SOX10: variants seen among roughly 807,000 people sequenced by gnomAD.
SOX10 encodes transcription factor SOX-10.
In SOX10, 3 loss-of-function variants were observed where a neutral mutation model predicts 35.0. The observed-to-expected ratio is 0.09, with a 90% CI of 0.04 to 0.22. The LOEUF (loss-of-function observed/expected upper bound fraction) is 0.22. SOX10 is among the 10% of genes least tolerant of loss of function. SOX10 has a pLI of 1.00. For synonymous variants in SOX10, 285 were observed against 291.0 expected, an observed-to-expected ratio of 0.98 and a Z score of 0.21; for missense variants, 436 against 655.1, an observed-to-expected ratio of 0.67 and a Z score of 3.65.
chr22:37,979,793 G>A (rs369380764), intron 2 of SOX10, among the ~76,000 whole-genome samples: 6 of 152,156 alleles, frequency 3.9e-5, no homozygotes, highest in East Asian at 3.9e-4. Flanking sequence ...AGAGGGGGTC[G>A]AGGGGAAAGT....
rs751536228 is a variant in SOX10, at chr22:37,973,841, G to C, written c.1055C>G (p.Ala352Gly). ...GGTCTCTGTCTTCACCTGGGCTTTGGCATCCACACCAGGTGGTGAGACCGT... is the reference window on the plus strand; with the variant it reads ...GGTCTCTGTCTTCACCTGGGCTTTGCCATCCACACCAGGTGGTGAGACCGT... ...LPTVSPPGVD[A>G]KAQVKTETAG... Residue 352 changes from alanine (A) to glycine (G), a missense_variant, in exon 4 of 4, where the codon GCC (alanine) becomes GGC (glycine). Around this residue, in one of 3 missense-constraint regions of SOX10, gnomAD observed 285 missense variants for 402.9 expected, o/e 0.71. Coordinates refer to ENST00000396884, the MANE Select transcript of SOX10 (RefSeq NM_006941.4). The C allele has an allele frequency of 6.2e-7, 1 of 1,605,566 alleles. No individual in the cohort carries two copies. Among genetic ancestry groups the C allele is most frequent in the Admixed American group, 1.7e-5 (1 of 59,858 alleles).
In SOX10 at chr22:37,978,252, G is replaced by A; in HGVS notation, c.429-117C>T. On this transcript the variant is annotated intron_variant, in intron 2 of 3. Transcript: ENST00000396884. The surrounding 1 kb of genome is among the most constrained non-coding windows in gnomAD (Gnocchi z 5.0). ...GGAAGATGTGAGGCCCTGGGATGGGGCACCCAGAGGACAGGACCCGGGGTG... is the reference window on the plus strand; with the variant it reads ...GGAAGATGTGAGGCCCTGGGATGGGACACCCAGAGGACAGGACCCGGGGTG... 1.7e-6 allele frequency: 2 copies of A among 1,144,776 alleles called. No homozygotes were observed. Among genetic ancestry groups the A allele is most frequent in the Non-Finnish European group, 2.4e-6 (2 of 835,970 alleles). The allele number at this position is 1,144,776 out of a possible 1,614,324, so 70.9% of individuals were successfully genotyped here.
In SOX10 at chr22:37,983,646, C is replaced by T; in HGVS notation, c.139G>A (p.Gly47Arg). ...TTGACCTTGCCCAGCTCGCCTGGCC[C>T]CGGGCTGGCTCGCAGGCCCGATCCG... ...GGGSGLRASP[G>R]PGELGKVKKE... Residue 47 changes from glycine (G) to arginine (R), a missense_variant, in exon 2 of 4, where the codon GGG becomes AGG. By Grantham distance (125) the Gly-to-Arg change is moderately radical. Coordinates refer to ENST00000396884, the MANE Select transcript of SOX10 (RefSeq NM_006941.4). This position sits in a 1 kb window ranked among gnomAD's most constrained non-coding sequence, Gnocchi z 9.5. The T allele has an allele frequency of 6.3e-7, 1 of 1,598,402 alleles. No homozygotes were observed. Among genetic ancestry groups the T allele is most frequent in the South Asian group, 1.1e-5 (1 of 90,106 alleles).
chr22:37,973,324 G>T lies in SOX10; in HGVS notation c.*171C>A. ...GGCTTTGCTGCTGGAGCCTGGATGG[G>T]GCGGGTGGGTCATCAGGGCAGTGAG... On this transcript the variant is annotated 3_prime_UTR_variant, in exon 4 of 4. Coordinates refer to ENST00000396884, the MANE Select transcript of SOX10 (RefSeq NM_006941.4). 1.2e-5 allele frequency: 7 copies of T among 585,986 alleles called. No individual in the cohort carries two copies. The highest frequency in any genetic ancestry group is 2.1e-5 in the Non-Finnish European group (7 of 329,962). 36.3% of individuals were successfully genotyped at this position (585,986 alleles called of 1,614,324 possible).
chr22:37,983,288 G>C lies in SOX10; in HGVS notation c.428+69C>G. The C allele has an allele frequency of 6.6e-7, 1 of 1,524,458 alleles. No homozygotes were observed. The highest frequency in any genetic ancestry group is 8.9e-7 in the Non-Finnish European group (1 of 1,128,548). 94.4% of individuals were successfully genotyped at this position (1,524,458 alleles called of 1,614,324 possible). A position where few individuals can be genotyped will look rare whatever the true frequency, so the allele number is the denominator to read the frequency against. On this transcript the variant is annotated intron_variant, in intron 2 of 3. Coordinates refer to ENST00000396884, the MANE Select transcript of SOX10 (RefSeq NM_006941.4). The surrounding 1 kb of genome is among the most constrained non-coding windows in gnomAD (Gnocchi z 9.5). The stretch of plus-strand genomic sequence containing the variant: ...CCCGCTCTGAGGTGCAGGAGGCCGG[G>C]CCGCCTCGGCTACCCTGAATCCACC...
At chr22:37,979,055 G>C (rs951979217) in intron 2 of SOX10, among the ~76,000 whole-genome samples, 1 of 151,814 alleles carries the variant, frequency 6.6e-6, no homozygotes, top group African/African-American at 2.4e-5. Flanking sequence ...GGGATTACAG[G>C]CATGAGCCAT....
chr22:37,983,751 G>C lies in SOX10; in HGVS notation c.34C>G (p.Leu12Val). ...AEEQDLSEVE[L>V]SPVGSEEPRC... ...GGCTCCTCCGAGCCCACGGGGCTCAGCTCCACCTCCGATAGGTCCTGCTCC... is the reference window on the plus strand; with the variant it reads ...GGCTCCTCCGAGCCCACGGGGCTCACCTCCACCTCCGATAGGTCCTGCTCC... Residue 12 changes from leucine (L) to valine (V), a missense_variant, in exon 2 of 4, where the codon CTG becomes GTG. By Grantham distance (32) the Leu-to-Val change is conservative. Transcript: ENST00000396884. This position sits in a 1 kb window ranked among gnomAD's most constrained non-coding sequence, Gnocchi z 9.5. The C allele has an allele frequency of 6.7e-6, 10 of 1,487,048 alleles. No homozygotes were observed. Among genetic ancestry groups the C allele is most frequent in the Non-Finnish European group, 8.9e-6 (10 of 1,123,612 alleles). The allele number at this position is 1,487,048 out of a possible 1,614,324, so 92.1% of individuals were successfully genotyped here.
In SOX10 at chr22:37,980,348, C is replaced by T. The variant is rs537873263; in HGVS notation, c.429-2213G>A. ...ACATGGGACACAGAGCTCACTCTTTCACCTATCCTTCCCTTGCCCCCTGCC... is the reference window on the plus strand; with the variant it reads ...ACATGGGACACAGAGCTCACTCTTTTACCTATCCTTCCCTTGCCCCCTGCC... On this transcript the variant is annotated intron_variant, in intron 2 of 3. Coordinates refer to ENST00000396884, the MANE Select transcript of SOX10 (RefSeq NM_006941.4). The surrounding 1 kb of genome is among the most constrained non-coding windows in gnomAD (Gnocchi z 4.1). 4.6e-5 allele frequency among the ~76,000 whole-genome samples: 7 copies of T among 152,266 alleles called. No individual in the cohort carries two copies. Among genetic ancestry groups the T allele is most frequent in the Admixed American group, 1.3e-4 (2 of 15,302 alleles).
At position 37,973,454 on chromosome 22, in the gene SOX10, G is replaced by A. The variant is rs1345365040; in HGVS notation, c.*41C>T. The stretch of plus-strand genomic sequence containing the variant: ...GCAAGGAACAGGGCACACAGGCTGG[G>A]GGCAGGGGCTGGGCGGGGGGTGGTG... On this transcript the variant is annotated 3_prime_UTR_variant, in exon 4 of 4. Coordinates refer to ENST00000396884, the MANE Select transcript of SOX10 (RefSeq NM_006941.4). 3.0e-6 allele frequency: 4 copies of A among 1,333,112 alleles called. No individual in the cohort carries two copies. The highest frequency in any genetic ancestry group is 4.1e-6 in the Non-Finnish European group (4 of 965,144). 82.6% of individuals were successfully genotyped at this position (1,333,112 alleles called of 1,614,324 possible). A position where few individuals can be genotyped will look rare whatever the true frequency, so the allele number is the denominator to read the frequency against.
chr22:37,983,858 C>A lies in SOX10; in HGVS notation c.-74G>T. ...AGCCGCCGGGGTCCTCGCAAAGAGT[C>A]CAACGCCCACCTGGATGGAAGGAGG... On this transcript the variant is annotated 5_prime_UTR_variant, in exon 2 of 4. Transcript: ENST00000396884. The surrounding 1 kb of genome is among the most constrained non-coding windows in gnomAD (Gnocchi z 9.5). 1 of 1,255,204 alleles carries A rather than the reference C, an allele frequency of 8.0e-7. No individual in the cohort carries two copies. Among genetic ancestry groups the A allele is most frequent in the Non-Finnish European group, 1.0e-6 (1 of 980,426 alleles). The allele number at this position is 1,255,204 out of a possible 1,614,324, so 77.8% of individuals were successfully genotyped here. A position where few individuals can be genotyped will look rare whatever the true frequency, so the allele number is the denominator to read the frequency against.
intron 2 of SOX10, among the ~76,000 whole-genome samples, chr22:37,982,331 A>T (rs1932425200): frequency 6.6e-6 from 1 of 152,110 alleles, no homozygotes; most frequent in Admixed American, 6.5e-5. Context: ...GAATCAGGTG[A>T]CTGCTACCGG....
chr22:37,976,509 T>C (rs1932225556), intron 3 of SOX10, among the ~76,000 whole-genome samples: 1 of 152,202 alleles, frequency 6.6e-6, no homozygotes, highest in Non-Finnish European at 1.5e-5. Flanking sequence ...TCAGAGCGTG[T>C]CCTCTGAAGG....
rs185098890 is a variant in SOX10, at chr22:37,974,440, C to A, written c.698-242G>T. Among the ~76,000 whole-genome samples the A allele has an allele frequency of 1.1e-3, 162 of 151,268 alleles. No homozygotes were observed. The highest frequency in any genetic ancestry group is 3.9e-3 in the African/African-American group (159 of 40,992). On this transcript the variant is annotated intron_variant, in intron 3 of 3. Transcript: ENST00000396884. This position sits in a 1 kb window ranked among gnomAD's most constrained non-coding sequence, Gnocchi z 5.4. ...CCATCTCGGCTCACTGCAACCTCTGCCTCCTGGGTTCAAATGATTCTCCTG... is the reference window on the plus strand; with the variant it reads ...CCATCTCGGCTCACTGCAACCTCTGACTCCTGGGTTCAAATGATTCTCCTG...
At position 37,978,253 on chromosome 22, in the gene SOX10, C is replaced by T; in HGVS notation, c.429-118G>A. ...GAAGATGTGAGGCCCTGGGATGGGG[C>T]ACCCAGAGGACAGGACCCGGGGTGG... On this transcript the variant is annotated intron_variant, in intron 2 of 3. Transcript: ENST00000396884. This position sits in a 1 kb window ranked among gnomAD's most constrained non-coding sequence, Gnocchi z 5.0. 1 of 1,146,214 alleles carries T rather than the reference C, an allele frequency of 8.7e-7. No homozygotes were observed. The highest frequency in any genetic ancestry group is 1.2e-6 in the Non-Finnish European group (1 of 837,250). 71.0% of individuals were successfully genotyped at this position (1,146,214 alleles called of 1,614,324 possible).
At chr22:37,982,318 C>T (rs894227012) in intron 2 of SOX10, among the ~76,000 whole-genome samples, 1 of 152,102 alleles carries the variant, frequency 6.6e-6, no homozygotes, top group Non-Finnish European at 1.5e-5. Context: ...GTCAGTCTAG[C>T]GAGAATCAGG....
In SOX10 at chr22:37,983,680, G is replaced by C. The variant is rs1284869913; in HGVS notation, c.105C>G (p.Gly35=). The C allele has an allele frequency of 1.3e-6, 2 of 1,561,182 alleles. No homozygotes were observed. Among genetic ancestry groups the C allele is most frequent in the Non-Finnish European group, 1.7e-6 (2 of 1,160,252 alleles). The change falls in exon 2 of 4, where the codon GGC becomes GGG. Residue 35 remains glycine (G), a synonymous_variant. Coordinates refer to ENST00000396884, the MANE Select transcript of SOX10 (RefSeq NM_006941.4). The surrounding 1 kb of genome is among the most constrained non-coding windows in gnomAD (Gnocchi z 9.5). ...PGSAPSLGPD[G]GGGGSGLRAS... ...CTCGCAGGCCCGATCCGCCGCCGCC[G>C]CCGTCGGGCCCTAGCGAGGGCGCGC... is the stretch of plus-strand genomic sequence containing the variant.
In SOX10 at chr22:37,983,122, GCGC is replaced by G. The variant is rs1312461485; in HGVS notation, c.428+232_428+234del. On this transcript the variant is annotated intron_variant, in intron 2 of 3. Coordinates refer to ENST00000396884, the MANE Select transcript of SOX10 (RefSeq NM_006941.4). This position sits in a 1 kb window ranked among gnomAD's most constrained non-coding sequence, Gnocchi z 9.5. ...CCCGCAAAATTCCAACCACGAGGGG[GCGC>G]CTTCCTGCCCGCCGCCCCGTAGGGA... Among the ~76,000 whole-genome samples the G allele has an allele frequency of 2.0e-5, 3 of 152,238 alleles. No individual in the cohort carries two copies. Among genetic ancestry groups the G allele is most frequent in the Non-Finnish European group, 4.4e-5 (3 of 68,036 alleles).
Position 37,973,206 on chromosome 22 carries a change from G to C in SOX10, c.*289C>G. Reference sequence around the variant, plus strand: ...CAGGCCCTTCTCAGGTCCTGGGATAGAGGGTCATTCCTGGGGGAAGGTGCA... The same window carrying C: ...CAGGCCCTTCTCAGGTCCTGGGATACAGGGTCATTCCTGGGGGAAGGTGCA... On this transcript the variant is annotated 3_prime_UTR_variant, in exon 4 of 4. Coordinates refer to ENST00000396884, the MANE Select transcript of SOX10 (RefSeq NM_006941.4). 2 of 394,422 alleles carry C rather than the reference G, an allele frequency of 5.1e-6. No homozygotes were observed. Among genetic ancestry groups the C allele is most frequent in the Non-Finnish European group, 4.6e-6 (1 of 219,274 alleles). The allele number at this position is 394,422 out of a possible 1,614,324, so 24.4% of individuals were successfully genotyped here.
rs536137788 is a variant in SOX10, at chr22:37,978,974, A to G, written c.429-839T>C. On this transcript the variant is annotated intron_variant, in intron 2 of 3. Transcript: ENST00000396884. This position sits in a 1 kb window ranked among gnomAD's most constrained non-coding sequence, Gnocchi z 5.0. ...GTATTTTTAGTAGAGATGGGGTTTC[A>G]CCATGTTGACCAGGCTGGTCTCCAA... Among the ~76,000 whole-genome samples the G allele has an allele frequency of 4.0e-3, 604 of 152,176 alleles. 5 individuals are homozygous for G. The highest frequency in any genetic ancestry group is 6.0e-3 in the Non-Finnish European group (409 of 68,012).
Sources: gnomAD v4.1 joint callset for allele counts (sites outside exome capture counted in the v4.1 genomes callset) on GRCh38, gnomAD v4.1.1 for gene constraint, gnomAD v4.1.1 regional missense constraint, Gnocchi (gnomAD v3.1) non-coding constraint, MANE v1.5 for transcripts, NCBI Gene and HGNC (gene_info 2026-07-23, HGNC 2026-07-21) for gene names.